Variants in TRPC1 observed in about 807,000 individuals in gnomAD.
TRPC1 encodes the protein transient receptor potential cation channel subfamily C member 1.
Under a neutral mutation model 88.2 loss-of-function variants are expected in TRPC1, and 42 were observed. The ratio of observed to expected loss-of-function variants is 0.48; its 90% CI spans 0.37 to 0.62. The LOEUF (loss-of-function observed/expected upper bound fraction) is 0.62. Among genes scored for constraint, TRPC1 ranks in the 20% least tolerant of loss-of-function variants. TRPC1 has a pLI of 0.00. For missense variants in TRPC1, 699 were observed against 957.3 expected (o/e 0.73, Z 3.56); for synonymous variants, 288 against 331.8 (o/e 0.87, Z 1.43).
chr3:142,784,930 C>T lies in TRPC1; in HGVS notation c.1187C>T (p.Thr396Ile), dbSNP rs1351426118. The part of the protein sequence containing the change: ...KFIIHGASYF[T>I]FLLLLNLYSL... ...ATCATTCATGGAGCATCATATTTCA[C>T]ATTTCTGCTGTTGCTTAATCTATAC... Residue 396 changes from threonine (T) to isoleucine (I), a missense_variant, in exon 7 of 13, where the codon ACA becomes ATA. This residue lies in a region of TRPC1 where 426 missense variants were observed against 641.3 expected (regional missense o/e 0.66). Coordinates refer to ENST00000476941, the MANE Select transcript of TRPC1 (RefSeq NM_001251845.2). 1.2e-6 allele frequency: 2 copies of T among 1,614,016 alleles called. No homozygotes were observed. The highest frequency in any genetic ancestry group is 3.3e-5 in the Admixed American group (2 of 60,018).
chr3:142,737,392 A>G (rs1161017530), intron 2 of TRPC1, among the ~76,000 whole-genome samples: 2 of 147,666 alleles, frequency 1.4e-5, no homozygotes, highest in African/African-American at 4.9e-5. Flanking sequence ...CTCCATGTAC[A>G]TGTTTGGAGT....
Position 142,724,707 on chromosome 3 carries a change from C to A in TRPC1, c.148C>A (p.Leu50Ile). 1 of 1,600,002 alleles carries A rather than the reference C, an allele frequency of 6.2e-7. No individual in the cohort carries two copies. The highest frequency in any genetic ancestry group is 8.5e-7 in the Non-Finnish European group (1 of 1,171,160). Residue 50 changes from leucine (L) to isoleucine (I), a missense_variant, in exon 1 of 13, where the codon CTT becomes ATT. Leu to Ile is a conservative substitution (Grantham distance 5). This residue lies in a region of TRPC1 where 157 missense variants were observed against 127.0 expected (regional missense o/e 1.24). Coordinates refer to ENST00000476941, the MANE Select transcript of TRPC1 (RefSeq NM_001251845.2). The surrounding 1 kb of genome is among the most constrained non-coding windows in gnomAD (Gnocchi z 5.6). ...VKEENTLNEK[L>I]FLLACDKGDY... ...GGAGGAGAATACGCTGAATGAGAAG[C>A]TTTTCTTGCTGGCGTGCGACAAGGG... is the stretch of plus-strand genomic sequence containing the variant.
At chr3:142,736,271 T>G in intron 1 of TRPC1, 108 bp from the exon 2 acceptor site, 4 of 782,162 alleles carry the variant, frequency 5.1e-6, no homozygotes, top group Non-Finnish European at 7.4e-6. Context: ...TATACAAAAA[T>G]GAGTTTAGGC....
At chr3:142,801,271 C>CA (rs1303513764) in intron 9 of TRPC1, 1 of 151,298 alleles carries the variant, frequency 6.6e-6, no homozygotes, top group Non-Finnish European at 1.5e-5. Context: ...AAGTCCCCCC[C>CA]AAAAAATATT....
intron 3 of TRPC1, among the ~76,000 whole-genome samples, chr3:142,746,144 G>A (rs935358442): frequency 6.6e-6 from 1 of 152,150 alleles, no homozygotes; most frequent in African/African-American, 2.4e-5. Context: ...ATAAGCAGAA[G>A]AAAAATATTG....
At chr3:142,774,007 T>G (rs1935672883) in intron 4 of TRPC1, among the ~76,000 whole-genome samples, 1 of 152,204 alleles carries the variant, frequency 6.6e-6, no homozygotes, top group African/African-American at 2.4e-5. Context: ...TGTTGTACAT[T>G]TATTGATGTC....
intron 6 of TRPC1, among the ~76,000 whole-genome samples, chr3:142,784,296 G>T (rs1355207816): frequency 7.5e-6 from 1 of 133,538 alleles, no homozygotes; most frequent in Admixed American, 6.9e-5. Context: ...ATGAAAAAAT[G>T]GCTAAGTAAG....
At chr3:142,772,668 T>G (rs1935618809) in intron 4 of TRPC1, among the ~76,000 whole-genome samples, 1 of 152,042 alleles carries the variant, frequency 6.6e-6, no homozygotes, top group East Asian at 1.9e-4. Flanking sequence ...ACACCTGTAG[T>G]CCCAGCTACT....
At chr3:142,746,968 G>A (rs1440769713) in intron 3 of TRPC1, among the ~76,000 whole-genome samples, 1 of 152,110 alleles carries the variant, frequency 6.6e-6, no homozygotes, top group African/African-American at 2.4e-5. Flanking sequence ...GACGTTTATG[G>A]TAAATTAGCA....
At chr3:142,779,890 C>G (rs6440109) in intron 5 of TRPC1, among the ~76,000 whole-genome samples, 133 of 145,740 alleles carry the variant, frequency 9.1e-4, no homozygotes, top group African/African-American at 3.3e-3. Context: ...TTTGGAGACC[C>G]AGGCTGGAGG....
intron 4 of TRPC1, among the ~76,000 whole-genome samples, chr3:142,763,568 A>G (rs966412570): frequency 2.6e-5 from 4 of 152,046 alleles, no homozygotes; most frequent in African/African-American, 9.6e-5. Context: ...GTGTATCTTT[A>G]TAAGTGAAAT....
chr3:142,724,401 G>A lies in TRPC1; in HGVS notation c.-159G>A. On this transcript the variant is annotated 5_prime_UTR_variant, in exon 1 of 13. Transcript: ENST00000476941. This position sits in a 1 kb window ranked among gnomAD's most constrained non-coding sequence, Gnocchi z 5.6. ...GGAGGGCGAGTGCTGGTTCTCAGGG[G>A]AGGCGACGCCCTTCGGGGCCAACGG... 5.0e-6 allele frequency: 3 copies of A among 594,258 alleles called. No individual in the cohort carries two copies. Among genetic ancestry groups the A allele is most frequent in the Non-Finnish European group, 8.1e-6 (3 of 372,612 alleles). The allele number at this position is 594,258 out of a possible 1,614,324, so 36.8% of individuals were successfully genotyped here. A position where few individuals can be genotyped will look rare whatever the true frequency, so the allele number is the denominator to read the frequency against.
At chr3:142,782,704 C>T (rs1936001965) in intron 6 of TRPC1, among the ~76,000 whole-genome samples, 1 of 151,978 alleles carries the variant, frequency 6.6e-6, no homozygotes, top group African/African-American at 2.4e-5. Flanking sequence ...ACAGGGTGCT[C>T]AGATGGGTGA....
intron 4 of TRPC1, among the ~76,000 whole-genome samples, chr3:142,761,498 A>G (rs1935182858): frequency 6.6e-6 from 1 of 152,124 alleles, no homozygotes; most frequent in East Asian, 1.9e-4. Flanking sequence ...TGTTCATATT[A>G]TATCAATATA....
At position 142,724,573 on chromosome 3, in the gene TRPC1, T is replaced by C. The variant is rs1933582218; in HGVS notation, c.14T>C (p.Leu5Pro). Residue 5 changes from leucine to proline, a missense_variant, in exon 1 of 13, where the codon CTG becomes CCG. This residue lies in a region of TRPC1 where 157 missense variants were observed against 127.0 expected (regional missense o/e 1.24). Coordinates refer to ENST00000476941, the MANE Select transcript of TRPC1 (RefSeq NM_001251845.2). This position sits in a 1 kb window ranked among gnomAD's most constrained non-coding sequence, Gnocchi z 5.6. ...TCATGGGCCGCGATGATGGCGGCCC[T>C]GTACCCGAGCACGGACCTCTCGGGC... The part of the protein sequence containing the change: MMAA[L>P]YPSTDLSGAS... 2 of 1,578,690 alleles carry C rather than the reference T, an allele frequency of 1.3e-6. No homozygotes were observed. The highest frequency in any genetic ancestry group is 8.6e-7 in the Non-Finnish European group (1 of 1,163,862).
At chr3:142,765,003 G>A (rs952307928) in intron 4 of TRPC1, among the ~76,000 whole-genome samples, 1 of 151,880 alleles carries the variant, frequency 6.6e-6, no homozygotes, top group African/African-American at 2.4e-5. Context: ...TGATCTTCAA[G>A]CAGAATTTCT....
At chr3:142,788,252 A>G (rs959537728) in intron 7 of TRPC1, among the ~76,000 whole-genome samples, 1 of 152,134 alleles carries the variant, frequency 6.6e-6, no homozygotes, top group Non-Finnish European at 1.5e-5. Flanking sequence ...AGGGAGACCA[A>G]TATCGATGCT....
At chr3:142,728,687 A>C (rs1933779421) in intron 1 of TRPC1, among the ~76,000 whole-genome samples, 1 of 152,248 alleles carries the variant, frequency 6.6e-6, no homozygotes, top group Non-Finnish European at 1.5e-5. Flanking sequence ...AATGTGCAAC[A>C]ACTCCAGAGA....
intron 2 of TRPC1, among the ~76,000 whole-genome samples, chr3:142,737,713 C>T (rs1934193143): frequency 6.6e-6 from 1 of 152,096 alleles, no homozygotes; most frequent in African/African-American, 2.4e-5. Flanking sequence ...AACAGCATTA[C>T]ACATGTGATC....
Sources: allele counts gnomAD v4.1 joint callset (sites outside exome capture counted in the v4.1 genomes callset), GRCh38; gene constraint gnomAD v4.1.1; regional missense constraint gnomAD v4.1.1; non-coding constraint Gnocchi (gnomAD v3.1); transcripts MANE v1.5; gene names NCBI Gene and HGNC (gene_info 2026-07-23, HGNC 2026-07-21).